The following CUL4A variants were observed in gnomAD, a reference collection of about 807,000 sequenced individuals.
CUL4A encodes the protein cullin-4A.
A neutral mutation model predicts 95.5 loss-of-function variants in CUL4A; 16 were observed. The observed-to-expected ratio is 0.17, with a 90% CI of 0.11 to 0.25. The LOEUF is 0.25. Among genes scored for constraint, CUL4A ranks in the 10% least tolerant of loss-of-function variants. The pLI is 1.00. For synonymous variants in CUL4A, 380 were observed against 353.1 expected (o/e 1.08, Z -0.85); for missense variants, 610 against 937.0 (o/e 0.65, Z 4.56).
chr13:113,251,369 C>T (rs2041990370), intron 15 of CUL4A, among the ~76,000 whole-genome samples: 1 of 152,176 alleles, frequency 6.6e-6, no homozygotes, highest in African/African-American at 2.4e-5. Context: ...GGGGCACAGG[C>T]CAGGTCTGTG....
Position 113,243,011 on chromosome 13 carries a change from A to T in CUL4A, c.1079A>T (p.Asp360Val). Residue 360 changes from aspartate (D) to valine (V), a missense_variant, in exon 11 of 20, where the codon GAC (aspartate) becomes GTC (valine). This residue lies in a region of CUL4A where 153 missense variants were observed against 244.5 expected (regional missense o/e 0.63). Transcript: ENST00000375440. ...AIVINPEKDK[D>V]MVQDLLDFKD... ...GTAATCAATCCTGAGAAAGACAAAG[A>T]CATGGTCCAAGACCTGTTGGACTTC... 2 of 1,613,474 alleles carry T rather than the reference A, an allele frequency of 1.2e-6. No homozygotes were observed. The highest frequency in any genetic ancestry group is 8.5e-7 in the Non-Finnish European group (1 of 1,179,478).
intron 19 of CUL4A, among the ~76,000 whole-genome samples, chr13:113,262,429 T>C (rs922524731): frequency 1.2e-4 from 18 of 152,142 alleles, no homozygotes; most frequent in Non-Finnish European, 1.5e-5. Flanking sequence ...GGCAGGCGGA[T>C]TGATTGAGCC....
chr13:113,233,931 A>G lies in CUL4A; in HGVS notation c.710A>G (p.Glu237Gly). Residue 237 changes from glutamate (E) to glycine (G), a missense_variant, in exon 7 of 20, where the codon GAA becomes GGA. Glu to Gly is a moderately conservative substitution (Grantham distance 98). Around this residue, in one of 10 missense-constraint regions of CUL4A, gnomAD observed 97 missense variants for 100.3 expected, o/e 0.97. Coordinates refer to ENST00000375440, the MANE Select transcript of CUL4A (RefSeq NM_001008895.4). ...YKDSFELKFL[E>G]ETNCLYAAEG... ...GATTCATTTGAACTGAAATTTTTGG[A>G]AGAGACTAATTGCTTATATGCTGCC... 1 of 1,610,758 alleles carries G rather than the reference A, an allele frequency of 6.2e-7. No homozygotes were observed. The highest frequency in any genetic ancestry group is 8.5e-7 in the Non-Finnish European group (1 of 1,177,262).
At chr13:113,236,932 T>C (rs988154795) in intron 9 of CUL4A, 42 bp downstream of exon 9, 1 of 1,385,862 alleles carries the variant, frequency 7.2e-7, no homozygotes, top group Non-Finnish European at 1.0e-6. Flanking sequence ...TGAACAATTA[T>C]CCTTAGTTCA....
intron 2 of CUL4A, among the ~76,000 whole-genome samples, 183 bp downstream of exon 2, chr13:113,210,271 T>A (rs1213444406): frequency 1.3e-5 from 2 of 152,226 alleles, no homozygotes; most frequent in African/African-American, 2.4e-5. Context: ...CGTGGTGGAA[T>A]TTTTGTTTTC....
intron 19 of CUL4A, 23 bp from the exon 20 acceptor site, chr13:113,263,464 G>A: frequency 1.4e-6 from 2 of 1,471,632 alleles, no homozygotes; most frequent in Non-Finnish European, 1.9e-6. Flanking sequence ...TGTAATTAGG[G>A]GGGTTTTATT....
upstream of CUL4A, chr13:113,208,730 C>T: frequency 2.7e-6 from 4 of 1,492,236 alleles, no homozygotes; most frequent in South Asian, 1.3e-5. Flanking sequence ...CCTGGCGCCC[C>T]CGGCCCCGCC....
intron 16 of CUL4A, among the ~76,000 whole-genome samples, chr13:113,253,966 A>G (rs773604632): frequency 6.6e-6 from 1 of 152,232 alleles, no homozygotes; most frequent in African/African-American, 2.4e-5. Flanking sequence ...AGTCATATAC[A>G]TGAAACCATA....
intron 15 of CUL4A, among the ~76,000 whole-genome samples, chr13:113,247,186 G>A (rs1241410953): frequency 1.3e-5 from 2 of 152,070 alleles, no homozygotes; most frequent in Non-Finnish European, 2.9e-5. Flanking sequence ...ATTCATGAGG[G>A]ATCCACCCCC....
At chr13:113,226,431 A>C (rs1005347398) in intron 3 of CUL4A, among the ~76,000 whole-genome samples, 1 of 152,230 alleles carries the variant, frequency 6.6e-6, no homozygotes, top group African/African-American at 2.4e-5. Flanking sequence ...CAATGTCTGC[A>C]CCACGAGGTT....
At chr13:113,249,343 C>CAT (rs2041934848) in intron 15 of CUL4A, among the ~76,000 whole-genome samples, 1 of 151,852 alleles carries the variant, frequency 6.6e-6, no homozygotes, top group Non-Finnish European at 1.5e-5. Flanking sequence ...TTATTCCATC[C>CAT]GTGCTGTGCC....
chr13:113,232,496 T>A (rs2139185935), intron 5 of CUL4A, among the ~76,000 whole-genome samples: 1 of 152,272 alleles, frequency 6.6e-6, no homozygotes, highest in South Asian at 2.1e-4. Context: ...GCATCTGTAT[T>A]TTTGGCCCCT....
At chr13:113,213,884 G>A (rs1379478226) in intron 2 of CUL4A, among the ~76,000 whole-genome samples, 7 of 152,330 alleles carry the variant, frequency 4.6e-5, no homozygotes, top group Admixed American at 4.6e-4. Flanking sequence ...CCACGCACAG[G>A]TGGGCTTCTG....
intron 6 of CUL4A, 38 bp downstream of exon 6, chr13:113,233,377 C>T (rs1240485781): frequency 6.4e-7 from 1 of 1,564,412 alleles, no homozygotes; most frequent in Admixed American, 1.8e-5. Flanking sequence ...TGGGTACCTG[C>T]CCAGCTACTT....
At chr13:113,231,323 G>A (rs2041301128) in intron 5 of CUL4A, among the ~76,000 whole-genome samples, 1 of 152,188 alleles carries the variant, frequency 6.6e-6, no homozygotes, top group South Asian at 2.1e-4. Flanking sequence ...TTTGAAGAAT[G>A]AGCAAAGGTG....
chr13:113,263,862 A>C lies in CUL4A; in HGVS notation c.*280A>C, dbSNP rs2042351694. 1 of 283,122 alleles carries C rather than the reference A, an allele frequency of 3.5e-6. No individual in the cohort carries two copies. The highest frequency in any genetic ancestry group is 6.5e-6 in the Non-Finnish European group (1 of 153,814). 17.5% of individuals were successfully genotyped at this position (283,122 alleles called of 1,614,324 possible). The stretch of plus-strand genomic sequence containing the variant: ...AGATTGGACAAGAAGATGTTACTAA[A>C]GAGAAGTTCCTTTAAAAGGTCTTGT... On this transcript the variant is annotated 3_prime_UTR_variant, in exon 20 of 20. Coordinates refer to ENST00000375440, the MANE Select transcript of CUL4A (RefSeq NM_001008895.4).
At chr13:113,228,095 C>T in intron 4 of CUL4A, 50 bp downstream of exon 4, 1 of 1,348,214 alleles carries the variant, frequency 7.4e-7, no homozygotes, top group African/African-American at 1.4e-5. Flanking sequence ...CATCTTCCCT[C>T]ACCCACATGA....
chr13:113,211,645 A>G (rs900230195), intron 2 of CUL4A, among the ~76,000 whole-genome samples: 1 of 152,182 alleles, frequency 6.6e-6, no homozygotes. Context: ...TCGGTCTCTC[A>G]AAGTGCTGGG....
intron 5 of CUL4A, among the ~76,000 whole-genome samples, chr13:113,231,983 C>G (rs2041329628): frequency 6.6e-6 from 1 of 150,790 alleles, no homozygotes; most frequent in Non-Finnish European, 1.5e-5. Context: ...AATACTACCA[C>G]CACCACCCGC....
Sources: gnomAD v4.1 joint callset for allele counts (sites outside exome capture counted in the v4.1 genomes callset) on GRCh38, gnomAD v4.1.1 for gene constraint, gnomAD v4.1.1 regional missense constraint, MANE v1.5 for transcripts, NCBI Gene and HGNC (gene_info 2026-07-23, HGNC 2026-07-21) for gene names.